SORBS2: variants seen among roughly 807,000 people sequenced by gnomAD.
SORBS2 encodes sorbin and SH3 domain-containing protein 2.
Under a neutral mutation model 97.7 loss-of-function variants are expected in SORBS2, and 46 were observed. The ratio of observed to expected loss-of-function variants is 0.47; its 90% CI spans 0.37 to 0.60. The LOEUF is 0.60. SORBS2 is among the 20% of genes least tolerant of loss of function. The pLI is 0.00. For missense variants in SORBS2, 1,316 were observed against 1,282.3 expected (o/e 1.03, Z -0.40); for synonymous variants, 476 against 473.4 (o/e 1.01, Z -0.07).
chr4:185,953,105 A>G (rs1008810859), intron 1 of SORBS2, among the ~76,000 whole-genome samples: 2 of 152,202 alleles, frequency 1.3e-5, no homozygotes, highest in South Asian at 4.1e-4. Context: ...ACCTGAGGTC[A>G]GGAGTTCAAG....
At chr4:185,737,785 T>C (rs1173730859) in intron 2 of SORBS2, among the ~76,000 whole-genome samples, 1 of 152,210 alleles carries the variant, frequency 6.6e-6, no homozygotes. Flanking sequence ...GATCGAGACC[T>C]CATGTTGAGT....
At chr4:185,948,982 T>C (rs145535103) in intron 1 of SORBS2, among the ~76,000 whole-genome samples, 1 of 151,702 alleles carries the variant, frequency 6.6e-6, no homozygotes, top group African/African-American at 2.4e-5. Context: ...GATTATCAAA[T>C]GTTTGAAGAG....
chr4:185,894,531 G>A (rs917167138), intron 1 of SORBS2, among the ~76,000 whole-genome samples: 3 of 152,164 alleles, frequency 2.0e-5, no homozygotes, highest in African/African-American at 7.2e-5. Context: ...GAGCCCCTCT[G>A]TCCATACCAA....
chr4:185,748,471 G>C (rs947596511), intron 2 of SORBS2, among the ~76,000 whole-genome samples: 1 of 152,118 alleles, frequency 6.6e-6, no homozygotes, highest in East Asian at 1.9e-4. Context: ...TGGGAAGTAG[G>C]GCTCTGAAAT....
intron 2 of SORBS2, among the ~76,000 whole-genome samples, chr4:185,748,163 G>A (rs1210948783): frequency 2.6e-5 from 4 of 152,096 alleles, no homozygotes. Flanking sequence ...ACTTGCTTTG[G>A]AACTAGAAAA....
Position 185,666,246 on chromosome 4 carries a change from A to G in SORBS2, c.-45-4004T>C, listed in dbSNP as rs561647741. 5 of 1,092,218 alleles carry G rather than the reference A, an allele frequency of 4.6e-6. No individual in the cohort carries two copies. In the African/African-American group the frequency reaches 4.8e-5, roughly 11 times the overall value. 67.7% of individuals were successfully genotyped at this position (1,092,218 alleles called of 1,614,324 possible). A position where few individuals can be genotyped will look rare whatever the true frequency, so the allele number is the denominator to read the frequency against. ...AAAATAATAAGAGATAAATTATCCA[A>G]TTAACAAAAGTACCTCTTTTTGCGA... On this transcript the variant is annotated intron_variant, in intron 4 of 20. Coordinates refer to the SORBS2 transcript ENST00000284776.
intron 1 of SORBS2, among the ~76,000 whole-genome samples, chr4:185,825,804 A>T (rs1208197527): frequency 6.6e-6 from 1 of 152,112 alleles, no homozygotes; most frequent in Non-Finnish European, 1.5e-5. Context: ...TAATGAAATA[A>T]TTTTTGTTTC....
intron 1 of SORBS2, among the ~76,000 whole-genome samples, chr4:185,953,008 T>C (rs7654384): frequency 0.93 from 141,481 of 152,280 alleles, 65,843 homozygotes; most frequent in African/African-American, 0.98. Flanking sequence ...TATTAAGTTA[T>C]GTTGGTCTCT....
intron 1 of SORBS2, among the ~76,000 whole-genome samples, chr4:185,893,978 G>C (rs895464760): frequency 1.3e-5 from 2 of 152,120 alleles, no homozygotes; most frequent in Non-Finnish European, 2.9e-5. Context: ...CTCGGAGCCT[G>C]TCTGCATGGT....
chr4:185,639,132 C>G lies in SORBS2; in HGVS notation c.396+7536G>C, dbSNP rs1371334446. ...GCAGCGCGCTGTGCCTGCGTTAGGC[C>G]GGGAGGGGAGAGGCCTCCGGACGGC... On this transcript the variant is annotated intron_variant, in intron 4 of 14. Transcript: ENST00000418609. 8 of 1,175,382 alleles carry G rather than the reference C, an allele frequency of 6.8e-6. No individual in the cohort carries two copies. The East Asian group carries it at 2.2e-4, about 32-fold the overall frequency. 72.8% of individuals were successfully genotyped at this position (1,175,382 alleles called of 1,614,324 possible).
intron 1 of SORBS2, among the ~76,000 whole-genome samples, chr4:185,911,168 A>T (rs1376063284): frequency 6.6e-6 from 1 of 152,172 alleles, no homozygotes; most frequent in Admixed American, 6.5e-5. Flanking sequence ...TTATTGTCTT[A>T]TAACATAAAC....
At chr4:185,709,320 T>TTTTTTTTTTTTTTTTTTTTTTTTC (rs1181008953) in intron 2 of SORBS2, among the ~76,000 whole-genome samples, 5 of 141,042 alleles carry the variant, frequency 3.5e-5, no homozygotes, top group African/African-American at 1.1e-4. Context: ...TTTTTTTTTT[T>TTTTTTTTTTTTTTTTTTTTTTTTC]TTTTAGTAAA....
At chr4:185,916,467 C>T (rs1254354238) in intron 1 of SORBS2, among the ~76,000 whole-genome samples, 1 of 152,136 alleles carries the variant, frequency 6.6e-6, no homozygotes, top group African/African-American at 2.4e-5. Context: ...GCATAGTGAG[C>T]CAATTCATTA....
chr4:185,624,517 T>C, intron 6 of SORBS2, 23 bp from the exon 19 acceptor site: 1 of 1,570,124 alleles, frequency 6.4e-7, no homozygotes, highest in Non-Finnish European at 8.6e-7. Flanking sequence ...AGCAGCGTGG[T>C]AGAAGAGAGA....
At chr4:185,638,930 G>C in intron 4 of SORBS2, 1 of 1,507,920 alleles carries the variant, frequency 6.6e-7, no homozygotes, top group Non-Finnish European at 8.9e-7. Flanking sequence ...GCGCCACTCC[G>C]GGGCGGAGGG....
chr4:185,845,195 T>C lies in SORBS2; in HGVS notation c.-337-69829A>G, dbSNP rs190605443. ...CCCCCAGCTAATTTTTTATTTTTAA[T>C]TTTTTGTAGAGACAGAGTCCCACGA... On this transcript the variant is annotated intron_variant, in intron 1 of 20. Coordinates refer to the SORBS2 transcript ENST00000284776. 5.9e-4 allele frequency among the ~76,000 whole-genome samples: 89 copies of C among 152,116 alleles called. 1 individual carries two copies. Among genetic ancestry groups the C allele is most frequent in the Non-Finnish European group, 9.6e-4 (65 of 67,996 alleles).
At chr4:185,948,436 G>A (rs1368753604) in intron 1 of SORBS2, among the ~76,000 whole-genome samples, 1 of 150,592 alleles carries the variant, frequency 6.6e-6, no homozygotes, top group Non-Finnish European at 1.5e-5. Context: ...ATAATCACTG[G>A]TTTCCACACT....
intron 1 of SORBS2, among the ~76,000 whole-genome samples, chr4:185,869,985 A>C (rs11722545): frequency 0.21 from 31,848 of 152,210 alleles, 4,105 homozygotes; most frequent in East Asian, 0.54. Context: ...TTTAAAGAGG[A>C]TAAAAAGTTG....
chr4:185,768,802 G>T (rs933630835), intron 2 of SORBS2, among the ~76,000 whole-genome samples: 1 of 152,130 alleles, frequency 6.6e-6, no homozygotes, highest in Non-Finnish European at 1.5e-5. Flanking sequence ...GCGACATGTG[G>T]CCTGTTCTTC....
Sources: allele counts gnomAD v4.1 joint callset (sites outside exome capture counted in the v4.1 genomes callset), GRCh38; gene constraint gnomAD v4.1.1; transcripts MANE v1.5; gene names NCBI Gene and HGNC (gene_info 2026-07-23, HGNC 2026-07-21).